The following PCDHGA8 variants were observed in gnomAD, a reference collection of about 807,000 sequenced individuals.
The protein encoded by PCDHGA8 is protocadherin gamma-A8.
In PCDHGA8, 45 loss-of-function variants were observed where a neutral mutation model predicts 59.2. That is an observed-to-expected ratio of 0.76 (90% CI 0.60 to 0.98). The LOEUF (loss-of-function observed/expected upper bound fraction) is 0.98, where lower values mean the gene tolerates loss of function less well. Ranked by LOEUF, PCDHGA8 falls within the 50% of genes least tolerant of loss-of-function variation. The probability of loss-of-function intolerance (pLI) is 0.00; values close to 1 mark genes in which losing one functional copy is unlikely to be tolerated. For missense variants in PCDHGA8, 1,257 were observed against 1,196.2 expected (o/e 1.05, Z -0.75); for synonymous variants, 531 against 519.0 (o/e 1.02, Z -0.32).
At chr5:141,413,840 G>T (rs1323659502) in intron 1 of PCDHGA8, 1 of 1,613,306 alleles carries the variant, frequency 6.2e-7, no homozygotes, top group Non-Finnish European at 8.5e-7. Flanking sequence ...TCCGACGGGG[G>T]TGACCCTCTC....
intron 1 of PCDHGA8, chr5:141,414,676 CA>C (rs779931467): frequency 5.6e-5 from 91 of 1,613,916 alleles, no homozygotes; most frequent in Middle Eastern, 1.6e-4. Context: ...AGACACCATC[CA>C]GGGGGTACCT....
chr5:141,408,877 C>T (rs1476847671), intron 1 of PCDHGA8: 4 of 1,613,308 alleles, frequency 2.5e-6, no homozygotes, highest in Admixed American at 3.3e-5. Flanking sequence ...GAAGTGCCAC[C>T]GCTCACATAG....
chr5:141,418,542 T>G, intron 1 of PCDHGA8: 1 of 1,614,028 alleles, frequency 6.2e-7, no homozygotes, highest in Non-Finnish European at 8.5e-7. Flanking sequence ...ACTGCTCAGA[T>G]AAGAATCCTG....
chr5:141,496,377 G>A (rs1413938730), intron 2 of PCDHGA8, among the ~76,000 whole-genome samples: 1 of 152,114 alleles, frequency 6.6e-6, no homozygotes, highest in Non-Finnish European at 1.5e-5. Flanking sequence ...CAGGAGCTTG[G>A]GCCACCTTAC....
At chr5:141,422,639 C>G (rs777330051) in intron 1 of PCDHGA8, 1 of 1,612,662 alleles carries the variant, frequency 6.2e-7, no homozygotes. Flanking sequence ...AGGGGTGCCT[C>G]CATCTTCTCA....
At chr5:141,410,697 T>G in intron 1 of PCDHGA8, 1 of 1,489,152 alleles carries the variant, frequency 6.7e-7, no homozygotes, top group Non-Finnish European at 9.0e-7. Context: ...TACTTTATTT[T>G]CATATCTAGA....
chr5:141,449,256 A>C (rs929920180), intron 1 of PCDHGA8, among the ~76,000 whole-genome samples: 5 of 152,176 alleles, frequency 3.3e-5, no homozygotes, highest in Non-Finnish European at 5.9e-5. Context: ...CAAGAATTGT[A>C]CAAAGAACTG....
Position 141,490,703 on chromosome 5 carries a change from G to GCCT in PCDHGA8, c.2425-4102_2425-4100dup. 6.2e-7 allele frequency: 1 copy of GCCT among 1,614,110 alleles called. No individual in the cohort carries two copies. The highest frequency in any genetic ancestry group is 8.5e-7 in the Non-Finnish European group (1 of 1,180,000). Reference sequence around the variant, plus strand: ...GATCCAGACACTGGGGATAATGCCCGCCTCACCTACTCCATTGTAGGAAAT... The same window carrying GCCT: ...GATCCAGACACTGGGGATAATGCCCGCCTCCTCACCTACTCCATTGTAGGAAAT... On this transcript the variant is annotated intron_variant, in intron 1 of 3. Transcript: ENST00000398604. This position sits in a 1 kb window ranked among gnomAD's most constrained non-coding sequence, Gnocchi z 5.4.
At chr5:141,471,095 C>T (rs1266802067) in intron 1 of PCDHGA8, among the ~76,000 whole-genome samples, 1 of 144,764 alleles carries the variant, frequency 6.9e-6, no homozygotes, top group East Asian at 2.0e-4. Context: ...GTTGTCCAGG[C>T]TAGAGTGCAG....
chr5:141,414,659 T>C lies in PCDHGA8; in HGVS notation c.2424+19422T>C, dbSNP rs566999623. On this transcript the variant is annotated intron_variant, in intron 1 of 3. Coordinates refer to ENST00000398604, the MANE Select transcript of PCDHGA8 (RefSeq NM_032088.2). ...GAGAATGCCCAGATTATTTACTCCC[T>C]GGCTGAAGACACCATCCAGGGGGTA... 21 of 1,614,010 alleles carry C rather than the reference T, an allele frequency of 1.3e-5. No homozygotes were observed. In the South Asian group the frequency reaches 2.2e-4, roughly 17 times the overall value.
chr5:141,499,104 C>A (rs2099789508), intron 2 of PCDHGA8, among the ~76,000 whole-genome samples: 1 of 152,120 alleles, frequency 6.6e-6, no homozygotes, highest in African/African-American at 2.4e-5. Flanking sequence ...CTTCTCCTCC[C>A]CACCACTATC....
intron 1 of PCDHGA8, chr5:141,423,601 C>A (rs372165060): frequency 1.9e-6 from 3 of 1,612,704 alleles, no homozygotes; most frequent in Non-Finnish European, 2.5e-6. Flanking sequence ...AAGCGAGCCA[C>A]TCTTGATAGC....
rs774774450 is a variant in PCDHGA8, at chr5:141,398,863, G to A, written c.2424+3626G>A. The A allele has an allele frequency of 2.5e-6, 4 of 1,613,868 alleles. No homozygotes were observed. The highest frequency in any genetic ancestry group is 2.7e-5 in the African/African-American group (2 of 74,928). ...TAATCCCCCGGTATTCAACCGAGACGTGTACAGAGTCAGCCTTCGGGAAAA... is the reference window on the plus strand; with the variant it reads ...TAATCCCCCGGTATTCAACCGAGACATGTACAGAGTCAGCCTTCGGGAAAA... On this transcript the variant is annotated intron_variant, in intron 1 of 3. Transcript: ENST00000398604.
In PCDHGA8 at chr5:141,452,847, T is replaced by G. The variant is rs575815407; in HGVS notation, c.2425-41960T>G. Among the ~76,000 whole-genome samples, 42 of 152,304 alleles carry G rather than the reference T, an allele frequency of 2.8e-4. 1 individual carries two copies. Among genetic ancestry groups the G allele is most frequent in the Admixed American group, 2.5e-3 (38 of 15,302 alleles). ...AAATCACTTGGTCCAGCCCACACTC[T>G]GGGGAGATGATTTTCTAACTCCATT... On this transcript the variant is annotated intron_variant, in intron 1 of 3. Coordinates refer to ENST00000398604, the MANE Select transcript of PCDHGA8 (RefSeq NM_032088.2).
At chr5:141,456,421 A>C (rs1358944131) in intron 1 of PCDHGA8, among the ~76,000 whole-genome samples, 1 of 152,150 alleles carries the variant, frequency 6.6e-6, no homozygotes, top group Non-Finnish European at 1.5e-5. Context: ...GAAACAATTC[A>C]AGTTATAGTA....
intron 1 of PCDHGA8, among the ~76,000 whole-genome samples, chr5:141,472,136 A>T (rs1172420221): frequency 1.1e-4 from 17 of 152,262 alleles, no homozygotes; most frequent in Non-Finnish European, 2.5e-4. Flanking sequence ...AGTTAAAAAT[A>T]AAAGTTTCAT....
At chr5:141,410,706 G>A in intron 1 of PCDHGA8, 1 of 1,454,410 alleles carries the variant, frequency 6.9e-7, no homozygotes, top group Non-Finnish European at 9.2e-7. Flanking sequence ...TTCATATCTA[G>A]AATCATATGT....
chr5:141,441,359 G>T (rs932747576), intron 1 of PCDHGA8: 1 of 152,522 alleles, frequency 6.6e-6, no homozygotes, highest in Non-Finnish European at 1.5e-5. Flanking sequence ...TGTAACAAAT[G>T]GGGCCGTGGA....
At chr5:141,413,090 C>A in intron 1 of PCDHGA8, 2 of 1,391,312 alleles carry the variant, frequency 1.4e-6, no homozygotes, top group Non-Finnish European at 1.9e-6. Flanking sequence ...ACAGAGACAC[C>A]CTGAAGCCAC....
Sources: allele counts gnomAD v4.1 joint callset (sites outside exome capture counted in the v4.1 genomes callset), GRCh38; gene constraint gnomAD v4.1.1; non-coding constraint Gnocchi (gnomAD v3.1); transcripts MANE v1.5; gene names NCBI Gene and HGNC (gene_info 2026-07-23, HGNC 2026-07-21).